Variants in SEMA3D observed in about 807,000 individuals in gnomAD.
SEMA3D encodes the protein semaphorin 3D, also known as semaphorin-3D.
Under a neutral mutation model 100.1 loss-of-function variants are expected in SEMA3D, and 84 were observed. The ratio of observed to expected loss-of-function variants is 0.84; its 90% CI spans 0.70 to 1.01. SEMA3D has a LOEUF of 1.01. Among genes scored for constraint, SEMA3D ranks in the 50% least tolerant of loss-of-function variants. SEMA3D has a pLI of 0.00. For missense variants in SEMA3D, 875 were observed against 934.1 expected (o/e 0.94, Z 0.82); for synonymous variants, 312 against 320.7 (o/e 0.97, Z 0.29).
chr7:85,041,992 C>T (rs1011759407), intron 10 of SEMA3D, 179 bp downstream of exon 10: 51 of 587,638 alleles, frequency 8.7e-5, no homozygotes, highest in African/African-American at 4.8e-4. Flanking sequence ...TGCATTATGA[C>T]GTGTGCCCAG....
chr7:85,224,611 A>G, the SEMA3D span, among the ~76,000 whole-genome samples: 1 of 152,208 alleles, frequency 6.6e-6, no homozygotes, highest in Admixed American at 6.5e-5. Flanking sequence ...CTAGTTCAGC[A>G]TTAGCTAGAT....
At chr7:85,141,798 G>T in intron 2 of SEMA3D, 1 of 760,960 alleles carries the variant, frequency 1.3e-6, no homozygotes, top group Non-Finnish European at 1.6e-6. Context: ...GGAAAAGGCG[G>T]TCAGTGTAAC....
chr7:85,001,405 T>C (rs1281845837), intron 18 of SEMA3D, among the ~76,000 whole-genome samples: 1 of 152,228 alleles, frequency 6.6e-6, no homozygotes. Flanking sequence ...TAACTTTGAA[T>C]TAATTTACAT....
At chr7:85,206,574 G>A in the SEMA3D span, among the ~76,000 whole-genome samples, 452 of 152,212 alleles carry the variant, frequency 3.0e-3, 1 homozygote, top group African/African-American at 0.01. Flanking sequence ...CAAGTGAGAA[G>A]CACATGAAGA....
At chr7:85,166,707 C>G (rs1405920773) in intron 1 of SEMA3D, among the ~76,000 whole-genome samples, 2 of 151,852 alleles carry the variant, frequency 1.3e-5, no homozygotes, top group Admixed American at 1.3e-4. Flanking sequence ...ACAGGACCTT[C>G]TCTGTATTGC....
the SEMA3D span, among the ~76,000 whole-genome samples, chr7:85,213,286 G>T: frequency 3.3e-5 from 5 of 151,854 alleles, no homozygotes; most frequent in African/African-American, 1.2e-4. Flanking sequence ...TAATTTAAAA[G>T]ACTTTACTAG....
chr7:85,172,421 A>G (rs755785130), intron 1 of SEMA3D, among the ~76,000 whole-genome samples: 2 of 152,026 alleles, frequency 1.3e-5, no homozygotes, highest in Non-Finnish European at 2.9e-5. Flanking sequence ...CAACTTGCTC[A>G]GAAGCTGAAG....
intron 1 of SEMA3D, among the ~76,000 whole-genome samples, chr7:85,184,700 T>A (rs1212211772): frequency 1.3e-5 from 2 of 152,198 alleles, no homozygotes; most frequent in African/African-American, 4.8e-5. Flanking sequence ...CAGTACTGTT[T>A]TACTGTCTGT....
chr7:85,145,942 T>A (rs1222967424), intron 2 of SEMA3D, among the ~76,000 whole-genome samples: 2 of 152,166 alleles, frequency 1.3e-5, no homozygotes, highest in Admixed American at 1.3e-4. Flanking sequence ...TGCCTACACA[T>A]AATTTCATTC....
Position 84,999,575 on chromosome 7 carries a change from C to T in SEMA3D, c.2199G>A (p.Gln733=). The T allele has an allele frequency of 6.2e-7, 1 of 1,614,116 alleles. No homozygotes were observed. Among genetic ancestry groups the T allele is most frequent in the Non-Finnish European group, 8.5e-7 (1 of 1,180,022 alleles). Residue 733 remains glutamine (Q), a synonymous_variant, in exon 19 of 19, where the codon CAG becomes CAA. Transcript: ENST00000284136. ...GTCTCCGCTTCTCCCTGTGCCACAT[C>T]TGTTCGCAGTACTGGTCGAGGCTGA... ...PNFSLDQYCE[Q]MWHREKRRQR...
chr7:85,195,066 T>A, the SEMA3D span, among the ~76,000 whole-genome samples: 282 of 152,240 alleles, frequency 1.9e-3, 1 homozygote, highest in African/African-American at 6.7e-3. Flanking sequence ...TGAAGGGCAT[T>A]TTTTGTTTAG....
chr7:85,068,088 T>C, intron 7 of SEMA3D, 103 bp downstream of exon 7: 1 of 690,770 alleles, frequency 1.4e-6, no homozygotes, highest in Non-Finnish European at 2.5e-6. Flanking sequence ...TTGTGGAAGA[T>C]TAGTAAAAAA....
chr7:85,142,812 T>A (rs891051568), intron 2 of SEMA3D: 4 of 985,068 alleles, frequency 4.1e-6, no homozygotes, highest in Non-Finnish European at 4.8e-6. Flanking sequence ...TCTCTTCGGC[T>A]GGGTGATGGT....
At chr7:85,244,655 T>A in the SEMA3D span, among the ~76,000 whole-genome samples, 1 of 151,790 alleles carries the variant, frequency 6.6e-6, no homozygotes, top group Non-Finnish European at 1.5e-5. Flanking sequence ...TTATGTAGTG[T>A]TAAAATCTAA....
chr7:85,041,993 G>A (rs181807934), intron 10 of SEMA3D, 178 bp downstream of exon 10: 36 of 587,514 alleles, frequency 6.1e-5, no homozygotes, highest in Admixed American at 1.5e-4. Context: ...GCATTATGAC[G>A]TGTGCCCAGA....
At chr7:85,020,084 T>A in intron 14 of SEMA3D, 149 bp downstream of exon 14, 1 of 590,426 alleles carries the variant, frequency 1.7e-6, no homozygotes. Context: ...TATAAAACTT[T>A]TTCCACTGCT....
intron 15 of SEMA3D, among the ~76,000 whole-genome samples, chr7:85,016,220 G>A (rs1013396113): frequency 6.8e-6 from 1 of 146,272 alleles, no homozygotes; most frequent in African/African-American, 2.5e-5. Flanking sequence ...TCTTCATTTC[G>A]GATTAAGACA....
chr7:85,042,494 A>G (rs1790891820), intron 9 of SEMA3D, among the ~76,000 whole-genome samples: 1 of 152,154 alleles, frequency 6.6e-6, no homozygotes, highest in Non-Finnish European at 1.5e-5. Flanking sequence ...AATGAATTAA[A>G]TACAAGCAGT....
chr7:85,167,829 G>A (rs1053557910), intron 1 of SEMA3D, among the ~76,000 whole-genome samples: 4 of 151,784 alleles, frequency 2.6e-5, no homozygotes, highest in African/African-American at 9.7e-5. Flanking sequence ...ATTGGGAAAT[G>A]TTTCTTTTGG....
Sources: gnomAD v4.1 joint callset for allele counts (sites outside exome capture counted in the v4.1 genomes callset) on GRCh38, gnomAD v4.1.1 for gene constraint, MANE v1.5 for transcripts, NCBI Gene and HGNC (gene_info 2026-07-23, HGNC 2026-07-21) for gene names.